Variants in USP10 observed in about 807,000 individuals in gnomAD.
USP10 encodes ubiquitin specific peptidase 10.
A neutral mutation model predicts 84.5 loss-of-function variants in USP10; 22 were observed. That is an observed-to-expected ratio of 0.26 (90% CI 0.19 to 0.37). The LOEUF is 0.37. USP10 is among the 10% of genes least tolerant of loss of function. The pLI is 1.00. For synonymous variants in USP10, 454 were observed against 387.6 expected, an observed-to-expected ratio of 1.17 and a Z score of -2.01; for missense variants, 1,019 against 998.9, an observed-to-expected ratio of 1.02 and a Z score of -0.27.
Position 84,724,928 on chromosome 16 carries a change from T to C in USP10, c.22-8507T>C, listed in dbSNP as rs190074022. Among the ~76,000 whole-genome samples, 25 of 152,332 alleles carry C rather than the reference T, an allele frequency of 1.6e-4. No individual in the cohort carries two copies. The East Asian group carries it at 3.9e-3, about 23-fold the overall frequency. ...GCACACAATGATTGTTCAGTAGATA[T>C]CAGCTAGCACCCATAACTTACTGGG... On this transcript the variant is annotated intron_variant, in intron 1 of 13. Transcript: ENST00000219473.
At chr16:84,731,708 G>A (rs959792758) in intron 1 of USP10, among the ~76,000 whole-genome samples, 1 of 151,368 alleles carries the variant, frequency 6.6e-6, no homozygotes, top group Non-Finnish European at 1.5e-5. Flanking sequence ...GTTCTGTTGA[G>A]TTTTTTAATT....
At chr16:84,718,226 C>T (rs1907310064) in intron 1 of USP10, among the ~76,000 whole-genome samples, 1 of 152,096 alleles carries the variant, frequency 6.6e-6, no homozygotes, top group African/African-American at 2.4e-5. Flanking sequence ...GTCTTTTGTT[C>T]AGAAGACATT....
chr16:84,736,858 G>A (rs1034282217), intron 2 of USP10, among the ~76,000 whole-genome samples: 2 of 152,144 alleles, frequency 1.3e-5, no homozygotes, highest in South Asian at 2.1e-4. Context: ...GCGTGATCTC[G>A]GCTCACTGCA....
intron 4 of USP10, among the ~76,000 whole-genome samples, chr16:84,748,147 C>T (rs1236436838): frequency 1.5e-5 from 1 of 66,564 alleles, no homozygotes; most frequent in Admixed American, 2.2e-4. Context: ...GAGCCAGACT[C>T]CATCTCAAAA....
intron 1 of USP10, among the ~76,000 whole-genome samples, chr16:84,722,563 G>A (rs1907950343): frequency 6.6e-6 from 1 of 152,044 alleles, no homozygotes; most frequent in South Asian, 2.1e-4. Context: ...ATTTGATATT[G>A]TCAGTCTTCT....
In USP10 at chr16:84,744,681, C is replaced by G; in HGVS notation, c.200C>G (p.Pro67Arg). 1 of 1,613,208 alleles carries G rather than the reference C, an allele frequency of 6.2e-7. No homozygotes were observed. Among genetic ancestry groups the G allele is most frequent in the South Asian group, 1.1e-5 (1 of 91,012 alleles). The change falls in exon 4 of 14, where the codon CCC becomes CGC. Residue 67 changes from proline (P) to arginine (R), a missense_variant. Transcript: ENST00000219473. ...TTTGGTGTCGATGAAGTCATTGAACCCAGTGACACTTTGCCGAGAACCCCC... is the reference window on the plus strand; with the variant it reads ...TTTGGTGTCGATGAAGTCATTGAACGCAGTGACACTTTGCCGAGAACCCCC... ...IEFGVDEVIE[P>R]SDTLPRTPSY...
intron 11 of USP10, among the ~76,000 whole-genome samples, chr16:84,769,600 C>A (rs1461746394): frequency 6.6e-6 from 1 of 151,834 alleles, no homozygotes. Flanking sequence ...TGACTGTCGG[C>A]TTGGCTCACT....
At chr16:84,706,559 G>C (rs1388604710) in intron 1 of USP10, among the ~76,000 whole-genome samples, 1 of 147,240 alleles carries the variant, frequency 6.8e-6, no homozygotes, top group Non-Finnish European at 1.5e-5. Context: ...TATATTTTTT[G>C]AGACGAAGTC....
At chr16:84,767,778 T>A (rs986794043) in intron 10 of USP10, among the ~76,000 whole-genome samples, 1 of 138,244 alleles carries the variant, frequency 7.2e-6, no homozygotes. Context: ...TTATTATTAT[T>A]TTTTTTAATT....
At position 84,758,807 on chromosome 16, in the gene USP10, T is replaced by C. The variant is rs1567637837; in HGVS notation, c.1284T>C (p.Ala428=). ...AAGGGAACTGGTGCTACATTAATGCTGTATCCTTCCTGGACGCCGTCCGCA... is the reference window on the plus strand; with the variant it reads ...AAGGGAACTGGTGCTACATTAATGCCGTATCCTTCCTGGACGCCGTCCGCA... The part of the protein sequence containing the change: ...INKGNWCYIN[A]TLQALVACPP... The change falls in exon 5 of 14, where the codon GCT becomes GCC. Residue 428 remains alanine (A), a splice_region_variant and synonymous_variant. Coordinates refer to ENST00000219473, the MANE Select transcript of USP10 (RefSeq NM_005153.3). 6.2e-7 allele frequency: 1 copy of C among 1,611,682 alleles called. No homozygotes were observed. The highest frequency in any genetic ancestry group is 1.1e-5 in the South Asian group (1 of 91,022).
Position 84,765,179 on chromosome 16 carries a change from C to T in USP10, c.1832+916C>T, listed in dbSNP as rs186766480. 2.2e-3 allele frequency among the ~76,000 whole-genome samples: 332 copies of T among 151,544 alleles called. 2 individuals are homozygous for T. The highest frequency in any genetic ancestry group is 3.5e-3 in the Non-Finnish European group (238 of 67,966). ...AAATTGTGTATATTTAAAGTATACA[C>T]AGATGTTATGAAATAGAGATAGTAA... On this transcript the variant is annotated intron_variant, in intron 10 of 13. Coordinates refer to ENST00000219473, the MANE Select transcript of USP10 (RefSeq NM_005153.3).
At chr16:84,736,909 C>T (rs780865994) in intron 2 of USP10, among the ~76,000 whole-genome samples, 2 of 152,248 alleles carry the variant, frequency 1.3e-5, no homozygotes, top group Non-Finnish European at 1.5e-5. Context: ...CTGCCTCAGC[C>T]TCCCGAGTAG....
chr16:84,714,475 T>A (rs1334524393), intron 1 of USP10, among the ~76,000 whole-genome samples: 1 of 152,132 alleles, frequency 6.6e-6, no homozygotes, highest in African/African-American at 2.4e-5. Flanking sequence ...TGCGCCACCG[T>A]GCACGGCTTT....
At chr16:84,738,968 G>T (rs547798576) in intron 2 of USP10, among the ~76,000 whole-genome samples, 1 of 152,246 alleles carries the variant, frequency 6.6e-6, no homozygotes, top group African/African-American at 2.4e-5. Context: ...ACAGACTTTG[G>T]GAAGTGCTGC....
intron 1 of USP10, among the ~76,000 whole-genome samples, chr16:84,728,900 G>A (rs1264762851): frequency 2.6e-5 from 4 of 152,064 alleles, no homozygotes; most frequent in African/African-American, 4.8e-5. Context: ...CCAGGTTCAC[G>A]TAATTCTTCT....
intron 1 of USP10, among the ~76,000 whole-genome samples, chr16:84,706,462 A>G (rs1012321439): frequency 1.3e-5 from 2 of 149,430 alleles, no homozygotes; most frequent in African/African-American, 4.9e-5. Flanking sequence ...CGTGGCTGCA[A>G]AGACTATATA....
At chr16:84,703,039 T>TA (rs916686204) in intron 1 of USP10, among the ~76,000 whole-genome samples, 1 of 114,638 alleles carries the variant, frequency 8.7e-6, no homozygotes, top group African/African-American at 3.1e-5. Flanking sequence ...TCAAAATAAA[T>TA]AAAAAAGTTT....
At position 84,724,102 on chromosome 16, in the gene USP10, A is replaced by G. The variant is rs73243949; in HGVS notation, c.22-9333A>G. 4.2e-3 allele frequency among the ~76,000 whole-genome samples: 647 copies of G among 152,326 alleles called. 6 individuals are homozygous for G. The highest frequency in any genetic ancestry group is 0.013 in the African/African-American group (548 of 41,566). On this transcript the variant is annotated intron_variant, in intron 1 of 13. Transcript: ENST00000219473. ...ATCTGCTGTGTTTCATACAATAGCA[A>G]TTTTACACAGGAAGTTATTCAATAA...
chr16:84,737,605 G>C (rs575386460), intron 2 of USP10, among the ~76,000 whole-genome samples: 12 of 152,202 alleles, frequency 7.9e-5, no homozygotes, highest in Non-Finnish European at 1.5e-4. Context: ...TAAGTGTGTT[G>C]AGCATGCTTA....
Sources: gnomAD v4.1 joint callset for allele counts (sites outside exome capture counted in the v4.1 genomes callset) on GRCh38, gnomAD v4.1.1 for gene constraint, MANE v1.5 for transcripts, NCBI Gene and HGNC (gene_info 2026-07-23, HGNC 2026-07-21) for gene names.